Variants in WDHD1 observed in about 807,000 individuals in gnomAD.
WDHD1 encodes WD repeat and HMG-box DNA-binding protein 1.
WDHD1 carries 111 observed loss-of-function variants against 135.4 expected under a neutral mutation model. That is an observed-to-expected ratio of 0.82 (90% CI 0.70 to 0.96). The LOEUF is 0.96. Among genes scored for constraint, WDHD1 ranks in the 40% least tolerant of loss-of-function variants. The probability of loss-of-function intolerance (pLI) is 0.00; values close to 1 mark genes in which losing one functional copy is unlikely to be tolerated. For synonymous variants in WDHD1, 434 were observed against 439.0 expected (o/e 0.99, Z 0.14); for missense variants, 1,351 against 1,336.3 (o/e 1.01, Z -0.17).
rs1205698802 is a variant in WDHD1, at chr14:54,981,699, AAAC to A, written c.1907-6_1907-4del. 6.3e-7 allele frequency: 1 copy of A among 1,596,034 alleles called. No individual in the cohort carries two copies. Among genetic ancestry groups the A allele is most frequent in the Admixed American group, 1.7e-5 (1 of 59,274 alleles). On this transcript the variant is annotated splice_region_variant and splice_polypyrimidine_tract_variant and intron_variant, in intron 15 of 25. Coordinates refer to ENST00000360586, the MANE Select transcript of WDHD1 (RefSeq NM_007086.4). The stretch of plus-strand genomic sequence containing the variant: ...TGAATCCACGTAACAAGGGGTACCT[AAAC>A]ACCAACAGAAAAATCACTTGGAGAC...
chr14:54,943,144 C>T (rs1175210576), intron 25 of WDHD1, among the ~76,000 whole-genome samples: 2 of 152,176 alleles, frequency 1.3e-5, no homozygotes, highest in Admixed American at 6.5e-5. Flanking sequence ...TTAACTGGTA[C>T]ACCACACACA....
At position 54,972,039 on chromosome 14, in the gene WDHD1, G is replaced by A. The variant is rs540317875; in HGVS notation, c.2064-4645C>T. Among the ~76,000 whole-genome samples, 513 of 151,632 alleles carry A rather than the reference G, an allele frequency of 3.4e-3. 4 individuals are homozygous for A. Among genetic ancestry groups the A allele is most frequent in the African/African-American group, 0.012 (493 of 41,340 alleles). ...TGTAATCCCAGCACTTTGGGAGGCCGAGGCGGGTGGATCACGAGGTCAGGA... is the reference window on the plus strand; with the variant it reads ...TGTAATCCCAGCACTTTGGGAGGCCAAGGCGGGTGGATCACGAGGTCAGGA... On this transcript the variant is annotated intron_variant, in intron 16 of 25. Coordinates refer to ENST00000360586, the MANE Select transcript of WDHD1 (RefSeq NM_007086.4).
At chr14:54,950,986 A>G (rs1276974611) in intron 24 of WDHD1, among the ~76,000 whole-genome samples, 1 of 152,228 alleles carries the variant, frequency 6.6e-6, no homozygotes, top group African/African-American at 2.4e-5. Context: ...TCTCTGGGAC[A>G]CATTTAAAGC....
intron 21 of WDHD1, among the ~76,000 whole-genome samples, chr14:54,958,434 CA>C (rs2041196597): frequency 6.6e-6 from 1 of 152,098 alleles, no homozygotes; most frequent in African/African-American, 2.4e-5. Flanking sequence ...GTCATCCAGC[CA>C]AATTTTTCCA....
intron 16 of WDHD1, among the ~76,000 whole-genome samples, chr14:54,981,120 C>T (rs2041612991): frequency 6.6e-6 from 1 of 152,114 alleles, no homozygotes; most frequent in Non-Finnish European, 1.5e-5. Flanking sequence ...TCTATTAGTC[C>T]TTCCTCCTAT....
intron 24 of WDHD1, among the ~76,000 whole-genome samples, chr14:54,951,510 C>T (rs2041052574): frequency 6.6e-6 from 1 of 152,118 alleles, no homozygotes; most frequent in African/African-American, 2.4e-5. Flanking sequence ...TAATTAATAG[C>T]CTACCAACCA....
At chr14:55,015,826 G>T (rs1020169921) in intron 2 of WDHD1, among the ~76,000 whole-genome samples, 4 of 151,996 alleles carry the variant, frequency 2.6e-5, no homozygotes, top group Non-Finnish European at 5.9e-5. Flanking sequence ...AGCCTCCCAA[G>T]TAGCTGGGAC....
intron 24 of WDHD1, among the ~76,000 whole-genome samples, chr14:54,951,071 C>T (rs922935267): frequency 7.2e-5 from 11 of 152,080 alleles, no homozygotes; most frequent in Non-Finnish European, 8.8e-5. Flanking sequence ...GACACCCTAA[C>T]ATCACAATTA....
intron 3 of WDHD1, among the ~76,000 whole-genome samples, chr14:55,011,983 G>A (rs757038064): frequency 4.0e-5 from 6 of 151,466 alleles, no homozygotes; most frequent in South Asian, 2.1e-4. Flanking sequence ...TTTAATACAC[G>A]GTATCAATTT....
At chr14:55,003,005 C>A (rs2042000499) in intron 7 of WDHD1, among the ~76,000 whole-genome samples, 1 of 152,052 alleles carries the variant, frequency 6.6e-6, no homozygotes, top group South Asian at 2.1e-4. Flanking sequence ...AGAAATGTAT[C>A]TTCTTATGCA....
At chr14:55,018,528 A>C (rs934820056) in intron 2 of WDHD1, among the ~76,000 whole-genome samples, 2 of 152,202 alleles carry the variant, frequency 1.3e-5, no homozygotes, top group African/African-American at 2.4e-5. Context: ...GAAACATCCA[A>C]AAGAATCATA....
chr14:54,952,342 C>G (rs527879546), intron 24 of WDHD1, among the ~76,000 whole-genome samples: 1 of 152,288 alleles, frequency 6.6e-6, no homozygotes, highest in African/African-American at 2.4e-5. Flanking sequence ...TTCTTATACA[C>G]CAATAACAGA....
At chr14:54,965,684 G>A (rs151246195) in intron 18 of WDHD1, among the ~76,000 whole-genome samples, 262 of 152,160 alleles carry the variant, frequency 1.7e-3, no homozygotes, top group Middle Eastern at 6.8e-3. Flanking sequence ...GGCTGGGCAC[G>A]GTGGCTCATG....
rs1318229784 is a variant in WDHD1, at chr14:54,983,597, C to T, written c.1906+1126G>A. Among the ~76,000 whole-genome samples, 4 of 151,958 alleles carry T rather than the reference C, an allele frequency of 2.6e-5. 1 individual carries two copies. Among genetic ancestry groups the T allele is most frequent in the Admixed American group, 2.0e-4 (3 of 15,250 alleles). On this transcript the variant is annotated intron_variant, in intron 15 of 25. Transcript: ENST00000360586. ...CTGAAGCAGGAGAATTGCTGGAACC[C>T]GGAAGGCAGAGGTTGCAGTAAGCTG...
intron 14 of WDHD1, among the ~76,000 whole-genome samples, chr14:54,986,550 G>A (rs1470360927): frequency 6.6e-6 from 1 of 152,010 alleles, no homozygotes; most frequent in East Asian, 1.9e-4. Flanking sequence ...CTGACCTAGA[G>A]AGTAGTAGAG....
rs1305586626 is a variant in WDHD1 at position 55,008,727 on chromosome 14, CAA to C, written c.342-10_342-9del. ...ATTTTGACTAGAAAATCACTAAGAA[CAA>C]AAAGAGTAACGCAAATGAATAAATG... On this transcript the variant is annotated splice_polypyrimidine_tract_variant and intron_variant, in intron 4 of 25. Coordinates refer to ENST00000360586, the MANE Select transcript of WDHD1 (RefSeq NM_007086.4). 1.0e-5 allele frequency: 16 copies of C among 1,589,062 alleles called. No individual in the cohort carries two copies. The highest frequency in any genetic ancestry group is 1.8e-5 in the Admixed American group (1 of 57,050).
intron 2 of WDHD1, among the ~76,000 whole-genome samples, chr14:55,022,992 T>C (rs1479256253): frequency 6.6e-6 from 1 of 151,860 alleles, no homozygotes; most frequent in East Asian, 2.0e-4. Context: ...GCCTGGCTAA[T>C]TTTTTGCATT....
At chr14:54,988,736 TAA>T (rs10715034) in intron 13 of WDHD1, among the ~76,000 whole-genome samples, 100 of 136,022 alleles carry the variant, frequency 7.4e-4, no homozygotes, top group South Asian at 4.9e-3. Context: ...CTTATAATAG[TAA>T]AAAAAAAAAA....
intron 3 of WDHD1, 132 bp from the exon 4 acceptor site, chr14:55,010,592 CTAAA>C: frequency 1.3e-6 from 1 of 794,502 alleles, no homozygotes; most frequent in Non-Finnish European, 1.8e-6. Context: ...AAAATTATCA[CTAAA>C]TGTACAACTT....
Sources: gnomAD v4.1 joint callset for allele counts (sites outside exome capture counted in the v4.1 genomes callset) on GRCh38, gnomAD v4.1.1 for gene constraint, MANE v1.5 for transcripts, NCBI Gene and HGNC (gene_info 2026-07-23, HGNC 2026-07-21) for gene names.